Variants in ANKRD17 observed in about 807,000 individuals in gnomAD.
The protein encoded by ANKRD17 is ankyrin repeat domain 17, also known as ankyrin repeat domain-containing protein 17.
A neutral mutation model predicts 229.7 loss-of-function variants in ANKRD17; 19 were observed. The observed-to-expected ratio is 0.08, with a 90% CI of 0.06 to 0.12. The LOEUF (loss-of-function observed/expected upper bound fraction) is 0.12, where lower values mean the gene tolerates loss of function less well. Among genes scored for constraint, ANKRD17 ranks in the 10% least tolerant of loss-of-function variants. The pLI is 1.00. For missense variants in ANKRD17, 2,176 were observed against 3,176.8 expected (o/e 0.68, Z 7.57); for synonymous variants, 1,112 against 1,146.1 (o/e 0.97, Z 0.60).
At chr4:73,200,997 G>GC (rs1738601067) in intron 1 of ANKRD17, among the ~76,000 whole-genome samples, 1 of 76,926 alleles carries the variant, frequency 1.3e-5, no homozygotes, top group African/African-American at 5.0e-5. Flanking sequence ...CGGGGGGGGG[G>GC]GGAGATTCTT....
At chr4:73,194,654 A>G (rs922038622) in intron 1 of ANKRD17, among the ~76,000 whole-genome samples, 2 of 152,292 alleles carry the variant, frequency 1.3e-5, no homozygotes, top group Admixed American at 1.3e-4. Context: ...GACTTTTAAA[A>G]ATACATGGAA....
intron 16 of ANKRD17, among the ~76,000 whole-genome samples, chr4:73,125,958 A>G (rs1313208708): frequency 6.6e-6 from 1 of 152,164 alleles, no homozygotes; most frequent in East Asian, 1.9e-4. Flanking sequence ...TAAAAAAGAA[A>G]AAAAACCTCT....
At chr4:73,187,603 CA>C (rs1736471799) in intron 1 of ANKRD17, among the ~76,000 whole-genome samples, 1 of 152,182 alleles carries the variant, frequency 6.6e-6, no homozygotes, top group Admixed American at 6.5e-5. Context: ...CTTAAACTCT[CA>C]AAAATTCTGT....
intron 24 of ANKRD17, chr4:73,112,836 G>A: frequency 4.6e-6 from 2 of 437,962 alleles, no homozygotes; most frequent in Non-Finnish European, 6.1e-6. Context: ...TGCCCAGGCT[G>A]GAGTGCAGTG....
At chr4:73,092,427 A>AAC in intron 28 of ANKRD17, 127 bp from the exon 29 acceptor site, 1 of 728,160 alleles carries the variant, frequency 1.4e-6, no homozygotes, top group Non-Finnish European at 2.2e-6. Context: ...CACACATACA[A>AAC]ACAAAGGACA....
At chr4:73,204,376 A>AG (rs1413133754) in intron 1 of ANKRD17, among the ~76,000 whole-genome samples, 9 of 149,924 alleles carry the variant, frequency 6.0e-5, no homozygotes, top group Admixed American at 2.0e-4. Flanking sequence ...AAAAAAAAAA[A>AG]AAAGAAAAGA....
chr4:73,245,308 C>T (rs1255204660), intron 1 of ANKRD17, among the ~76,000 whole-genome samples: 1 of 152,186 alleles, frequency 6.6e-6, no homozygotes, highest in Non-Finnish European at 1.5e-5. Flanking sequence ...CTAGGTACTG[C>T]TGTGAGGGGA....
At chr4:73,114,843 T>G (rs1458931750) in intron 23 of ANKRD17, among the ~76,000 whole-genome samples, 4 of 152,134 alleles carry the variant, frequency 2.6e-5, no homozygotes, top group Non-Finnish European at 4.4e-5. Flanking sequence ...AAGAAGACAT[T>G]TTTAAGATTT....
chr4:73,175,988 G>GA (rs146454432), intron 2 of ANKRD17, among the ~76,000 whole-genome samples: 9,703 of 138,172 alleles, frequency 0.07, 457 homozygotes, highest in South Asian at 0.13. Flanking sequence ...TTCTGCACAG[G>GA]AAAAAAAAAA....
At chr4:73,124,153 A>T (rs1727126636) in intron 18 of ANKRD17, among the ~76,000 whole-genome samples, 2 of 152,074 alleles carry the variant, frequency 1.3e-5, no homozygotes, top group African/African-American at 4.8e-5. Context: ...GAGAAAAAAG[A>T]TTTTAAAGCT....
chr4:73,077,499 A>C lies in ANKRD17; in HGVS notation c.7443T>G (p.Asn2481Lys). Residue 2481 changes from asparagine to lysine, a missense_variant, in exon 32 of 34, where the codon AAT becomes AAG. By Grantham distance (94) the Asn-to-Lys change is moderately conservative. Transcript: ENST00000358602. ...KVDWCNPGMG[N>K]PMIHRPMSDP... ...CAGACATCGGTCTGTGGATCATAGG[A>C]TTTCCCATCCCAGGGTTACACCAGT... 1 of 1,611,956 alleles carries C rather than the reference A, an allele frequency of 6.2e-7. No individual in the cohort carries two copies. Among genetic ancestry groups the C allele is most frequent in the Non-Finnish European group, 8.5e-7 (1 of 1,179,070 alleles).
intron 1 of ANKRD17, among the ~76,000 whole-genome samples, chr4:73,185,285 G>T (rs984340477): frequency 1.3e-5 from 2 of 151,198 alleles, no homozygotes; most frequent in African/African-American, 4.8e-5. Flanking sequence ...TCAAAAGCTG[G>T]TAATAAATAA....
At chr4:73,247,083 C>A (rs1312628330) in intron 1 of ANKRD17, among the ~76,000 whole-genome samples, 1 of 151,730 alleles carries the variant, frequency 6.6e-6, no homozygotes, top group Non-Finnish European at 1.5e-5. Context: ...ATCAACAAAT[C>A]AATAAGAAAA....
chr4:73,112,322 G>T (rs772541097), intron 24 of ANKRD17, among the ~76,000 whole-genome samples: 31 of 152,204 alleles, frequency 2.0e-4, no homozygotes, highest in South Asian at 4.1e-4. Context: ...AAAATTTAAA[G>T]AATCAAATAT....
intron 23 of ANKRD17, among the ~76,000 whole-genome samples, chr4:73,114,495 C>G (rs1725695069): frequency 6.6e-6 from 1 of 151,938 alleles, no homozygotes; most frequent in Non-Finnish European, 1.5e-5. Context: ...GTTGCCCAGG[C>G]TTAAATGCAG....
chr4:73,204,221 C>A (rs548260778), intron 1 of ANKRD17, among the ~76,000 whole-genome samples: 1 of 151,188 alleles, frequency 6.6e-6, no homozygotes, highest in African/African-American at 2.4e-5. Flanking sequence ...ATTAGCCAGG[C>A]GTGGTGGCGG....
At chr4:73,211,344 C>T (rs369454079) in intron 1 of ANKRD17, among the ~76,000 whole-genome samples, 3 of 151,706 alleles carry the variant, frequency 2.0e-5, no homozygotes, top group African/African-American at 4.8e-5. Flanking sequence ...TAAAGGCAAA[C>T]GGTTGAGATT....
At chr4:73,098,887 GA>G in intron 25 of ANKRD17, 2 of 1,267,744 alleles carry the variant, frequency 1.6e-6, no homozygotes, top group South Asian at 2.4e-5. Context: ...ACAGCACTGA[GA>G]AGCGGGGCCG....
chr4:73,225,982 T>TTC (rs1742444105), intron 1 of ANKRD17, among the ~76,000 whole-genome samples: 2 of 141,110 alleles, frequency 1.4e-5, no homozygotes, highest in South Asian at 4.8e-4. Flanking sequence ...GCTTTTTTTT[T>TTC]TTTTTTTTTT....
Sources: gnomAD v4.1 joint callset for allele counts (sites outside exome capture counted in the v4.1 genomes callset) on GRCh38, gnomAD v4.1.1 for gene constraint, MANE v1.5 for transcripts, NCBI Gene and HGNC (gene_info 2026-07-23, HGNC 2026-07-21) for gene names.